RAB27B: variants seen among roughly 807,000 people sequenced by gnomAD.
RAB27B encodes RAB27B, member RAS oncogene family.
A neutral mutation model predicts 24.6 loss-of-function variants in RAB27B; 15 were observed. The ratio of observed to expected loss-of-function variants is 0.61; its 90% CI spans 0.41 to 0.94. The LOEUF (loss-of-function observed/expected upper bound fraction) is 0.94. Ranked by LOEUF, RAB27B falls within the 40% of genes least tolerant of loss-of-function variation. The probability of loss-of-function intolerance (pLI) is 0.00; values close to 1 mark genes in which losing one functional copy is unlikely to be tolerated. For synonymous variants in RAB27B, 105 were observed against 92.5 expected, an observed-to-expected ratio of 1.14 and a Z score of -0.78; for missense variants, 261 against 266.8, an observed-to-expected ratio of 0.98 and a Z score of 0.15.
chr18:54,801,539 T>C (rs1156736740), intron 2 of RAB27B, among the ~76,000 whole-genome samples: 1 of 152,162 alleles, frequency 6.6e-6, no homozygotes, highest in African/African-American at 2.4e-5. Flanking sequence ...CTATTGCCCA[T>C]CTAGGCCTGT....
intron 2 of RAB27B, among the ~76,000 whole-genome samples, chr18:54,733,729 G>A (rs2144996722): frequency 7.1e-6 from 1 of 140,418 alleles, no homozygotes; most frequent in East Asian, 2.2e-4. Flanking sequence ...TAGGACTCTA[G>A]AAGCAGGTCC....
chr18:54,832,482 A>G (rs959621013), intron 1 of RAB27B, among the ~76,000 whole-genome samples: 1 of 152,224 alleles, frequency 6.6e-6, no homozygotes, highest in Non-Finnish European at 1.5e-5. Context: ...GGGCTTTTGC[A>G]TATATGAATC....
At chr18:54,879,972 C>T in intron 3 of RAB27B, 1 of 154,058 alleles carries the variant, frequency 6.5e-6, no homozygotes, top group Non-Finnish European at 1.4e-5. Context: ...TTGTACCAGG[C>T]CCAGCTCATA....
rs4369753 is a variant in RAB27B at position 54,820,644 on chromosome 18, G to T, written c.-19-56923G>T. On this transcript the variant is annotated intron_variant, in intron 2 of 4. Transcript: ENST00000586570. ...AATTAGATCCCATTTGTCAATTTTGGCTTTTGTTGCCATTGCTTTTGGTGT... is the reference window on the plus strand; with the variant it reads ...AATTAGATCCCATTTGTCAATTTTGTCTTTTGTTGCCATTGCTTTTGGTGT... 4.5e-3 allele frequency among the ~76,000 whole-genome samples: 687 copies of T among 152,010 alleles called. 2 individuals carry two copies. The highest frequency in any genetic ancestry group is 0.016 in the African/African-American group (663 of 41,456).
chr18:54,862,071 A>T (rs77826958), intron 1 of RAB27B, among the ~76,000 whole-genome samples: 14 of 147,262 alleles, frequency 9.5e-5, no homozygotes, highest in South Asian at 2.2e-4. Flanking sequence ...AAAAAAAAAA[A>T]GCATGACTGC....
intron 2 of RAB27B, among the ~76,000 whole-genome samples, chr18:54,795,865 A>G (rs1440566535): frequency 2.0e-5 from 3 of 152,144 alleles, no homozygotes; most frequent in Non-Finnish European, 4.4e-5. Flanking sequence ...TAAAACCTGT[A>G]TTTATCATTA....
intron 3 of RAB27B, 124 bp downstream of exon 3, chr18:54,879,578 ATT>A: frequency 1.3e-6 from 1 of 770,114 alleles, no homozygotes; most frequent in Admixed American, 2.2e-5. Flanking sequence ...CAAAATAGAC[ATT>A]TGTATCCAGA....
chr18:54,791,515 C>A (rs1909245211), intron 2 of RAB27B, among the ~76,000 whole-genome samples: 1 of 152,076 alleles, frequency 6.6e-6, no homozygotes, highest in Non-Finnish European at 1.5e-5. Flanking sequence ...TCAAGGGAGT[C>A]CTGGGAAGGG....
chr18:54,881,595 A>G (rs1487653891), intron 3 of RAB27B, among the ~76,000 whole-genome samples: 1 of 152,108 alleles, frequency 6.6e-6, no homozygotes, highest in Admixed American at 6.5e-5. Context: ...TGCAAACTCA[A>G]TTTCTGTTCA....
At chr18:54,820,618 T>G (rs556668633) in intron 2 of RAB27B, among the ~76,000 whole-genome samples, 123 of 152,240 alleles carry the variant, frequency 8.1e-4, no homozygotes, top group South Asian at 5.2e-3. Flanking sequence ...CTCTTTAGTT[T>G]AATTAGATCC....
chr18:54,749,553 C>T (rs571161435), intron 2 of RAB27B, among the ~76,000 whole-genome samples: 57 of 152,162 alleles, frequency 3.7e-4, no homozygotes, highest in Non-Finnish European at 6.6e-4. Context: ...AGTTACCCTC[C>T]TACTCAACTG....
chr18:54,778,103 C>T (rs995422187), intron 2 of RAB27B, among the ~76,000 whole-genome samples: 1 of 152,192 alleles, frequency 6.6e-6, no homozygotes, highest in Admixed American at 6.5e-5. Context: ...CTAATGTTGA[C>T]CTGGCAATTT....
At chr18:54,811,415 G>A (rs998450772) in intron 2 of RAB27B, among the ~76,000 whole-genome samples, 11 of 152,154 alleles carry the variant, frequency 7.2e-5, no homozygotes, top group African/African-American at 2.7e-4. Flanking sequence ...GACAACTCAA[G>A]AGGGCAGGAG....
chr18:54,784,217 A>G (rs1909008704), intron 2 of RAB27B, among the ~76,000 whole-genome samples: 1 of 152,230 alleles, frequency 6.6e-6, no homozygotes, highest in Non-Finnish European at 1.5e-5. Context: ...AGATTGAACC[A>G]AGGAATCAAA....
chr18:54,727,913 G>A (rs918835010), intron 2 of RAB27B, among the ~76,000 whole-genome samples: 4 of 152,096 alleles, frequency 2.6e-5, no homozygotes, highest in African/African-American at 9.7e-5. Flanking sequence ...CACCTTAACA[G>A]CTAGCCGGAT....
chr18:54,722,740 T>A (rs978044506), intron 2 of RAB27B, among the ~76,000 whole-genome samples: 4 of 152,204 alleles, frequency 2.6e-5, no homozygotes, highest in Admixed American at 2.6e-4. Context: ...CATGCACATG[T>A]ATTCCCCCAA....
chr18:54,826,006 G>C (rs1311028281), upstream of RAB27B, among the ~76,000 whole-genome samples: 4 of 152,142 alleles, frequency 2.6e-5, no homozygotes, highest in African/African-American at 9.7e-5. Flanking sequence ...TACCACGCCT[G>C]CATCTGATTT....
intron 2 of RAB27B, among the ~76,000 whole-genome samples, chr18:54,779,715 A>G (rs1304206943): frequency 1.3e-5 from 2 of 152,170 alleles, no homozygotes; most frequent in African/African-American, 2.4e-5. Flanking sequence ...ATTGGGTCCC[A>G]CCTAAGACCT....
At chr18:54,831,950 A>G (rs1910697158) in intron 1 of RAB27B, among the ~76,000 whole-genome samples, 1 of 152,058 alleles carries the variant, frequency 6.6e-6, no homozygotes, top group Admixed American at 6.6e-5. Flanking sequence ...TAATTTTTCT[A>G]TTTTTAGTTG....
Sources: allele counts gnomAD v4.1 joint callset (sites outside exome capture counted in the v4.1 genomes callset), GRCh38; gene constraint gnomAD v4.1.1; transcripts MANE v1.5; gene names NCBI Gene and HGNC (gene_info 2026-07-23, HGNC 2026-07-21).